Variants in LPIN3 observed in about 807,000 individuals in gnomAD.
LPIN3 encodes the protein phosphatidate phosphatase LPIN3.
A neutral mutation model predicts 94.7 loss-of-function variants in LPIN3; 82 were observed. The observed-to-expected ratio is 0.87, with a 90% CI of 0.72 to 1.04. The LOEUF (loss-of-function observed/expected upper bound fraction) is 1.04, where lower values mean the gene tolerates loss of function less well. Among genes scored for constraint, LPIN3 ranks in the 50% least tolerant of loss-of-function variants. LPIN3 has a pLI of 0.00. For missense variants in LPIN3, 996 were observed against 1,090.5 expected (o/e 0.91, Z 1.22); for synonymous variants, 418 against 443.3 (o/e 0.94, Z 0.72).
intron 1 of LPIN3, among the ~76,000 whole-genome samples, chr20:41,343,765 A>G (rs918492985): frequency 5.9e-5 from 9 of 152,240 alleles, no homozygotes; most frequent in Non-Finnish European, 1.2e-4. Context: ...ATCCTGTTAA[A>G]ATGCAGATGC....
At chr20:41,357,793 C>A (rs1219606092) in intron 16 of LPIN3, 89 bp from the exon 17 acceptor site, 1 of 1,540,626 alleles carries the variant, frequency 6.5e-7, no homozygotes, top group Non-Finnish European at 8.9e-7. Flanking sequence ...CAGAGTCCCA[C>A]AGTTGGGCTG....
Position 41,351,886 on chromosome 20 carries a change from G to A in LPIN3, c.1168G>A (p.Asp390Asn). The change falls in exon 8 of 20, where the codon GAC (aspartate) becomes AAC (asparagine). Residue 390 changes from aspartate to asparagine, a missense_variant. Physicochemically the swap from Asp to Asn is conservative, Grantham distance 23. Coordinates refer to ENST00000373257, the MANE Select transcript of LPIN3 (RefSeq NM_022896.3). The part of the protein sequence containing the change: ...DIYLDDLPSL[D>N]SENAALYFPQ... Reference sequence around the variant, plus strand: ...CTACCTGGATGACTTGCCCTCCCTGGACTCTGAGAATGCAGCGCTTTACTT... The same window carrying A: ...CTACCTGGATGACTTGCCCTCCCTGAACTCTGAGAATGCAGCGCTTTACTT... 1 of 1,614,208 alleles carries A rather than the reference G, an allele frequency of 6.2e-7. No individual in the cohort carries two copies. Among genetic ancestry groups the A allele is most frequent in the East Asian group, 2.2e-5 (1 of 44,870 alleles).
intron 15 of LPIN3, 66 bp from the exon 16 acceptor site, chr20:41,357,295 C>A (rs2046244448): frequency 6.3e-7 from 1 of 1,599,550 alleles, no homozygotes; most frequent in Non-Finnish European, 8.6e-7. Context: ...TCCTGGTGGG[C>A]CATCCTGGGG....
intron 1 of LPIN3, 26 bp from the exon 2 acceptor site, chr20:41,345,770 T>C: frequency 6.3e-7 from 1 of 1,591,346 alleles, no homozygotes; most frequent in South Asian, 1.1e-5. Context: ...CAGACCTTTG[T>C]GCAAGCCACT....
At position 41,352,788 on chromosome 20, in the gene LPIN3, G is replaced by A; in HGVS notation, c.1458-10G>A. 6.2e-7 allele frequency: 1 copy of A among 1,614,156 alleles called. No individual in the cohort carries two copies. Among genetic ancestry groups the A allele is most frequent in the African/African-American group, 1.3e-5 (1 of 75,062 alleles). On this transcript the variant is annotated splice_polypyrimidine_tract_variant and intron_variant, in intron 10 of 19. Transcript: ENST00000373257. ...CTGCTGCAGCTTGATGCCCTGTTCT[G>A]TCTCTCTAGGCATTATAACTGGGCT... is the stretch of plus-strand genomic sequence containing the variant.
intron 1 of LPIN3, among the ~76,000 whole-genome samples, chr20:41,344,911 C>G (rs1328199041): frequency 6.6e-6 from 1 of 152,212 alleles, no homozygotes; most frequent in Non-Finnish European, 1.5e-5. Flanking sequence ...GGCTTCCCAC[C>G]AGGGAAACTG....
chr20:41,357,979 C>T lies in LPIN3; in HGVS notation c.2137C>T (p.Leu713Phe), dbSNP rs372267020. The part of the protein sequence containing the change: ...LQWVSEGGCS[L>F]PKGPILLSPS... The stretch of plus-strand genomic sequence containing the variant: ...GTGGGTGAGCGAGGGGGGCTGTAGC[C>T]TCCCCAAGGGCCCCATCCTTCTGTC... Residue 713 changes from leucine to phenylalanine, a missense_variant, in exon 17 of 20, where the codon CTC becomes TTC. Coordinates refer to ENST00000373257, the MANE Select transcript of LPIN3 (RefSeq NM_022896.3). 6 of 1,613,006 alleles carry T rather than the reference C, an allele frequency of 3.7e-6. No homozygotes were observed. The highest frequency in any genetic ancestry group is 5.1e-6 in the Non-Finnish European group (6 of 1,179,546).
chr20:41,354,985 T>G, intron 13 of LPIN3, 122 bp downstream of exon 13: 3 of 884,724 alleles, frequency 3.4e-6, no homozygotes, highest in African/African-American at 1.7e-5. Flanking sequence ...TTTTTTGTCA[T>G]TCCTCAAGCA....
Position 41,355,904 on chromosome 20 carries a change from C to T in LPIN3, c.1673C>T (p.Thr558Ile), listed in dbSNP as rs1234500526. 9 of 1,613,934 alleles carry T rather than the reference C, an allele frequency of 5.6e-6. No homozygotes were observed. The highest frequency in any genetic ancestry group is 4.4e-5 in the South Asian group (4 of 91,076). The change falls in exon 14 of 20, where the codon ACA becomes ATA. Residue 558 changes from threonine to isoleucine, a missense_variant. By Grantham distance (89) the Thr-to-Ile change is moderately conservative. Transcript: ENST00000373257. ...GCCAGTGTGGTCCACAGGGAGAAGA[C>T]AGAAGTCCTGAGCAGTGATGACGAT... ...TAAKEQQGEK[T>I]EVLSSDDDAP...
At position 41,360,224 on chromosome 20, in the gene LPIN3, AC is replaced by A. The variant is rs1296084607; in HGVS notation, c.*1360del. The A allele has an allele frequency of 6.6e-6, 1 of 152,184 alleles. No homozygotes were observed. Among genetic ancestry groups the A allele is most frequent in the Non-Finnish European group, 1.5e-5 (1 of 67,980 alleles). The allele number at this position is 152,184 out of a possible 1,614,324, so 9.4% of individuals were successfully genotyped here. ...TGATGGTTTCGTACCTGAATTTCTCACCTTTTGTGAACATCTTGGGAGGGTG... is the reference window on the plus strand; with the variant it reads ...TGATGGTTTCGTACCTGAATTTCTCACTTTTGTGAACATCTTGGGAGGGTG... On this transcript the variant is annotated 3_prime_UTR_variant, in exon 20 of 20. Transcript: ENST00000373257.
intron 11 of LPIN3, among the ~76,000 whole-genome samples, chr20:41,353,282 G>A (rs2046090099): frequency 6.6e-6 from 1 of 152,232 alleles, no homozygotes; most frequent in Non-Finnish European, 1.5e-5. Context: ...CTGGGCTGAA[G>A]GGTGCTTACT....
intron 1 of LPIN3, 127 bp from the exon 2 acceptor site, chr20:41,345,669 T>C: frequency 1.1e-6 from 1 of 948,544 alleles, no homozygotes. Context: ...GCTGCTGCCA[T>C]CTGTGCAAAG....
chr20:41,358,741 G>C lies in LPIN3; in HGVS notation c.2431G>C (p.Val811Leu), dbSNP rs759163633. Residue 811 changes from valine to leucine, a missense_variant, in exon 20 of 20, where the codon GTG (valine) becomes CTG (leucine). Coordinates refer to ENST00000373257, the MANE Select transcript of LPIN3 (RefSeq NM_022896.3). ...CTGTAGGTATGAGCGGCTTGGTGAA[G>C]TGGTCGAGCTCCTCTTCCCACCTGT... is the stretch of plus-strand genomic sequence containing the variant. ...HKSTYERLGE[V>L]VELLFPPVAR... The C allele has an allele frequency of 6.2e-7, 1 of 1,614,040 alleles. No individual in the cohort carries two copies. Among genetic ancestry groups the C allele is most frequent in the East Asian group, 2.2e-5 (1 of 44,872 alleles).
chr20:41,352,521 A>C, intron 9 of LPIN3, 85 bp from the exon 10 acceptor site: 1 of 1,217,500 alleles, frequency 8.2e-7, no homozygotes, highest in Non-Finnish European at 1.2e-6. Flanking sequence ...GGAGGTGAGC[A>C]GCAGAGTGGG....
chr20:41,344,452 T>A (rs2045698449), intron 1 of LPIN3, among the ~76,000 whole-genome samples: 3 of 152,244 alleles, frequency 2.0e-5, no homozygotes, highest in African/African-American at 7.2e-5. Context: ...TGCTAAGTGG[T>A]CTTGCATGGC....
intron 14 of LPIN3, among the ~76,000 whole-genome samples, chr20:41,356,269 G>A (rs1176659395): frequency 1.3e-5 from 2 of 152,174 alleles, no homozygotes; most frequent in African/African-American, 4.8e-5. Context: ...TGTCTCTTAG[G>A]TCCTCCTAAG....
intron 4 of LPIN3, 71 bp from the exon 5 acceptor site, chr20:41,349,021 T>A: frequency 6.3e-7 from 1 of 1,593,020 alleles, no homozygotes; most frequent in Middle Eastern, 1.7e-4. Context: ...AAGCCCCTGA[T>A]GTCCAGGCTC....
At chr20:41,352,921 G>A in intron 11 of LPIN3, 54 bp downstream of exon 11, 2 of 1,587,534 alleles carry the variant, frequency 1.3e-6, no homozygotes, top group Admixed American at 3.3e-5. Flanking sequence ...TAGACTCAGG[G>A]CACGGAGACC....
chr20:41,341,329 G>A (rs962046730), intron 1 of LPIN3, among the ~76,000 whole-genome samples: 4 of 152,230 alleles, frequency 2.6e-5, no homozygotes, highest in African/African-American at 9.6e-5. Context: ...GTCCTCAGTT[G>A]CAAAACAGTG....
Sources: gnomAD v4.1 joint callset for allele counts (sites outside exome capture counted in the v4.1 genomes callset) on GRCh38, gnomAD v4.1.1 for gene constraint, MANE v1.5 for transcripts, NCBI Gene and HGNC (gene_info 2026-07-23, HGNC 2026-07-21) for gene names.